The following RYR2 variants were observed in gnomAD, a reference collection of about 807,000 sequenced individuals.
RYR2 encodes the protein ryanodine receptor 2.
Under a neutral mutation model 601.1 loss-of-function variants are expected in RYR2, and 227 were observed. The ratio of observed to expected loss-of-function variants is 0.38; its 90% CI spans 0.34 to 0.42. RYR2 has a LOEUF of 0.42. Among genes scored for constraint, RYR2 ranks in the 10% least tolerant of loss-of-function variants. The pLI is 1.00. For missense variants in RYR2, 4,646 were observed against 6,156.5 expected (o/e 0.75, Z 8.21); for synonymous variants, 2,223 against 2,175.1 (o/e 1.02, Z -0.61).
At position 237,625,692 on chromosome 1, in the gene RYR2, T is replaced by G. The variant is rs1396015766; in HGVS notation, c.6054T>G (p.Asp2018Glu). The G allele has an allele frequency of 1.2e-6, 2 of 1,613,792 alleles. No homozygotes were observed. Among genetic ancestry groups the G allele is most frequent in the Admixed American group, 3.3e-5 (2 of 60,000 alleles). Residue 2018 changes from aspartate to glutamate, a missense_variant, in exon 40 of 105, where the codon GAT becomes GAG. Asp to Glu is a conservative substitution (Grantham distance 45). Coordinates refer to ENST00000366574, the MANE Select transcript of RYR2 (RefSeq NM_001035.3). ...AGCTGGATGAAGATGGGTCTCTGGATGGAAACAGTGATTTAACAATTAGAG... is the reference window on the plus strand; with the variant it reads ...AGCTGGATGAAGATGGGTCTCTGGAGGGAAACAGTGATTTAACAATTAGAG... ...GIELDEDGSL[D>E]GNSDLTIRGR...
intron 1 of RYR2, chr1:237,267,531 AAAGAGAAGAG>A (rs574893175): frequency 4.6e-6 from 1 of 218,874 alleles, no homozygotes; most frequent in South Asian, 4.1e-5. Context: ...AGAAAAGAAA[AAAGAGAAGAG>A]AAGAGAAGAA....
chr1:237,732,884 A>G (rs1438664969), intron 78 of RYR2, among the ~76,000 whole-genome samples: 1 of 152,162 alleles, frequency 6.6e-6, no homozygotes, highest in Non-Finnish European at 1.5e-5. Context: ...TCTCTGCAGA[A>G]TTTGGGATGT....
chr1:237,272,584 A>C (rs1689811360), intron 2 of RYR2, among the ~76,000 whole-genome samples: 1 of 148,592 alleles, frequency 6.7e-6, no homozygotes. Context: ...GAGTAATCTA[A>C]TTTATATAAT....
chr1:237,571,045 C>A (rs1378630048), intron 29 of RYR2, among the ~76,000 whole-genome samples: 1 of 151,988 alleles, frequency 6.6e-6, no homozygotes, highest in Non-Finnish European at 1.5e-5. Flanking sequence ...GAGGATCACT[C>A]GAGTCCAGGG....
At chr1:237,782,619 A>G (rs1048963888) in intron 89 of RYR2, among the ~76,000 whole-genome samples, 3 of 152,120 alleles carry the variant, frequency 2.0e-5, no homozygotes, top group Non-Finnish European at 4.4e-5. Context: ...CCATTTTTCC[A>G]TGCATGGCCC....
intron 1 of RYR2, among the ~76,000 whole-genome samples, chr1:237,128,056 C>T (rs1257500128): frequency 6.6e-6 from 1 of 152,138 alleles, no homozygotes; most frequent in African/African-American, 2.4e-5. Context: ...GAGGTTGTAG[C>T]GAGCCGAGAT....
intron 82 of RYR2, among the ~76,000 whole-genome samples, chr1:237,758,387 C>T (rs963157331): frequency 1.3e-5 from 2 of 152,024 alleles, no homozygotes; most frequent in Non-Finnish European, 1.5e-5. Flanking sequence ...AAGCCACATC[C>T]CTTTGTTTGA....
At chr1:237,056,846 G>A (rs1662204669) in intron 1 of RYR2, among the ~76,000 whole-genome samples, 1 of 152,188 alleles carries the variant, frequency 6.6e-6, no homozygotes, top group Non-Finnish European at 1.5e-5. Context: ...GAGCCAAGGA[G>A]CACTAGGGCT....
intron 2 of RYR2, among the ~76,000 whole-genome samples, chr1:237,321,836 TATCTC>T (rs1695654316): frequency 6.6e-6 from 1 of 152,150 alleles, no homozygotes; most frequent in Non-Finnish European, 1.5e-5. Context: ...GATCTGAAAA[TATCTC>T]AACATGAGAA....
At chr1:237,509,451 C>T (rs779231771) in intron 23 of RYR2, among the ~76,000 whole-genome samples, 1 of 152,184 alleles carries the variant, frequency 6.6e-6, no homozygotes, top group African/African-American at 2.4e-5. Context: ...TTATACTTAG[C>T]TACCCAGCAT....
intron 1 of RYR2, among the ~76,000 whole-genome samples, chr1:237,181,763 G>A (rs1408318616): frequency 6.6e-6 from 1 of 152,204 alleles, no homozygotes; most frequent in African/African-American, 2.4e-5. Context: ...GGTTCTGTAT[G>A]CAAAGGGTTA....
At chr1:237,608,262 A>G (rs1472820096) in intron 35 of RYR2, among the ~76,000 whole-genome samples, 8 of 152,240 alleles carry the variant, frequency 5.3e-5, no homozygotes, top group Non-Finnish European at 7.3e-5. Context: ...ACATTTTAGT[A>G]GACGCCAAGC....
intron 1 of RYR2, among the ~76,000 whole-genome samples, chr1:237,217,906 T>G (rs1683369684): frequency 6.6e-6 from 1 of 152,204 alleles, no homozygotes; most frequent in South Asian, 2.1e-4. Flanking sequence ...GTATTCAGAA[T>G]GTGAAATAAT....
chr1:237,666,617 T>C, intron 57 of RYR2, 28 bp downstream of exon 57: 1 of 1,551,328 alleles, frequency 6.4e-7, no homozygotes, highest in South Asian at 1.2e-5. Context: ...TTAAAAATAG[T>C]CTCCAAATTT....
intron 75 of RYR2, 43 bp downstream of exon 75, chr1:237,726,351 A>T: frequency 7.6e-7 from 1 of 1,308,094 alleles, no homozygotes; most frequent in Non-Finnish European, 1.1e-6. Context: ...TAATTAATTT[A>T]GGTTTATATG....
At chr1:237,695,972 A>T (rs528135042) in intron 63 of RYR2, among the ~76,000 whole-genome samples, 5 of 152,276 alleles carry the variant, frequency 3.3e-5, no homozygotes, top group African/African-American at 1.2e-4. Context: ...AACCCACAGA[A>T]TTTGTCTGGC....
chr1:237,214,866 A>G (rs1299963695), intron 1 of RYR2, among the ~76,000 whole-genome samples: 2 of 152,206 alleles, frequency 1.3e-5, no homozygotes, highest in Non-Finnish European at 2.9e-5. Context: ...TGAGAAATGT[A>G]CTTGGAATTA....
At chr1:237,647,152 T>A (rs1682253806) in intron 48 of RYR2, among the ~76,000 whole-genome samples, 1 of 152,222 alleles carries the variant, frequency 6.6e-6, no homozygotes, top group Admixed American at 6.5e-5. Flanking sequence ...AAAATCATAA[T>A]ATACTGATTT....
At chr1:237,677,343 A>C (rs1685488986) in intron 60 of RYR2, among the ~76,000 whole-genome samples, 1 of 152,174 alleles carries the variant, frequency 6.6e-6, no homozygotes, top group African/African-American at 2.4e-5. Context: ...TTCCATATGC[A>C]TGAAGGAGGT....
Sources: allele counts gnomAD v4.1 joint callset (sites outside exome capture counted in the v4.1 genomes callset), GRCh38; gene constraint gnomAD v4.1.1; transcripts MANE v1.5; gene names NCBI Gene and HGNC (gene_info 2026-07-23, HGNC 2026-07-21).